The following CADPS variants were observed in gnomAD, a reference collection of about 807,000 sequenced individuals.
CADPS encodes calcium dependent secretion activator.
In CADPS, 57 loss-of-function variants were observed where a neutral mutation model predicts 167.3. The observed-to-expected ratio is 0.34, with a 90% CI of 0.28 to 0.42. The LOEUF (loss-of-function observed/expected upper bound fraction) is 0.42, where lower values mean the gene tolerates loss of function less well. CADPS is among the 20% of genes least tolerant of loss of function. The pLI is 1.00. For synonymous variants in CADPS, 676 were observed against 635.3 expected, an observed-to-expected ratio of 1.06 and a Z score of -0.96; for missense variants, 1,414 against 1,738.1, an observed-to-expected ratio of 0.81 and a Z score of 3.32.
chr3:62,634,107 T>C (rs1371612060), intron 6 of CADPS, among the ~76,000 whole-genome samples: 4 of 152,152 alleles, frequency 2.6e-5, no homozygotes, highest in Non-Finnish European at 4.4e-5. Flanking sequence ...TCCTTCCGGA[T>C]AGGAAAGAAT....
At chr3:62,750,970 T>C (rs2082563958) in intron 3 of CADPS, among the ~76,000 whole-genome samples, 1 of 152,196 alleles carries the variant, frequency 6.6e-6, no homozygotes, top group Non-Finnish European at 1.5e-5. Flanking sequence ...TCTTTGGACT[T>C]AACACTCTTG....
chr3:62,566,935 A>G (rs749477882), intron 9 of CADPS, among the ~76,000 whole-genome samples: 4 of 152,216 alleles, frequency 2.6e-5, no homozygotes, highest in Non-Finnish European at 4.4e-5. Context: ...TAGGAAAGAT[A>G]CTGAGCTTTA....
chr3:62,701,873 G>A (rs11712663), intron 3 of CADPS, among the ~76,000 whole-genome samples: 12,072 of 152,116 alleles, frequency 0.079, 628 homozygotes, highest in Non-Finnish European at 0.12. Context: ...AAAGGAAAAG[G>A]TTAAGCTGAA....
At chr3:62,591,530 G>A (rs1051597847) in intron 7 of CADPS, among the ~76,000 whole-genome samples, 1 of 152,138 alleles carries the variant, frequency 6.6e-6, no homozygotes, top group African/African-American at 2.4e-5. Context: ...AATGATGCTG[G>A]GGTATAGTAG....
At chr3:62,861,378 A>G (rs1232312646) in intron 1 of CADPS, among the ~76,000 whole-genome samples, 1 of 152,210 alleles carries the variant, frequency 6.6e-6, no homozygotes, top group Non-Finnish European at 1.5e-5. Context: ...TAGCCCACAC[A>G]TTGTGACAAG....
intron 26 of CADPS, among the ~76,000 whole-genome samples, chr3:62,459,272 C>G (rs1398909791): frequency 6.6e-6 from 1 of 152,198 alleles, no homozygotes; most frequent in Admixed American, 6.5e-5. Flanking sequence ...ACAAACCCAG[C>G]TGGCTTATAA....
intron 17 of CADPS, among the ~76,000 whole-genome samples, chr3:62,508,028 G>A (rs1484229743): frequency 6.6e-6 from 1 of 152,174 alleles, no homozygotes; most frequent in Non-Finnish European, 1.5e-5. Context: ...GCAAGATAAG[G>A]ATTTGAATTT....
chr3:62,636,211 C>T (rs188319067), intron 6 of CADPS, among the ~76,000 whole-genome samples: 254 of 152,326 alleles, frequency 1.7e-3, no homozygotes, highest in Middle Eastern at 0.01. Flanking sequence ...AGTGAAGAAA[C>T]TGAGGTTCAG....
At chr3:62,546,800 T>C (rs1052874645) in intron 11 of CADPS, among the ~76,000 whole-genome samples, 1 of 152,126 alleles carries the variant, frequency 6.6e-6, no homozygotes, top group Non-Finnish European at 1.5e-5. Flanking sequence ...TGTTTATAAT[T>C]TATATGAAAA....
intron 1 of CADPS, among the ~76,000 whole-genome samples, chr3:62,784,531 G>T (rs1559606103): frequency 6.6e-6 from 1 of 152,122 alleles, no homozygotes; most frequent in East Asian, 1.9e-4. Flanking sequence ...CAAAGAGAGA[G>T]AACTATTTAT....
intron 3 of CADPS, among the ~76,000 whole-genome samples, chr3:62,698,726 A>C (rs932629349): frequency 0.094 from 5,549 of 58,846 alleles, no homozygotes; most frequent in Admixed American, 0.12. Context: ...TTTCCTCCCC[A>C]CTTCCTTTTT....
chr3:62,813,045 A>C (rs899893639), intron 1 of CADPS, among the ~76,000 whole-genome samples: 3 of 152,110 alleles, frequency 2.0e-5, no homozygotes, highest in Non-Finnish European at 4.4e-5. Context: ...TGCCCACAAC[A>C]ATCTACAGAC....
At chr3:62,790,570 T>C (rs1161920065) in intron 1 of CADPS, among the ~76,000 whole-genome samples, 2 of 152,226 alleles carry the variant, frequency 1.3e-5, no homozygotes, top group Non-Finnish European at 1.5e-5. Flanking sequence ...AGATTCATAC[T>C]AGTTCAGCAA....
intron 13 of CADPS, 121 bp downstream of exon 13, chr3:62,532,750 T>A: frequency 3.0e-6 from 2 of 662,262 alleles, no homozygotes; most frequent in Non-Finnish European, 5.2e-6. Context: ...TGTGTGTGTG[T>A]ACGTGTGCAC....
Position 62,753,755 on chromosome 3 carries a change from G to A in CADPS, c.574C>T (p.Arg192Cys), listed in dbSNP as rs762817680. Reference protein sequence around the residue: ...SYYEVFLKSDRVARMVQSGGC... With the variant: ...SYYEVFLKSDCVARMVQSGGC... Reference sequence around the variant, plus strand: ...CCACTCTGAACCATGCGGGCCACACGGTCGCTCTTCAGGAACACCTGAGCA... The same window carrying A: ...CCACTCTGAACCATGCGGGCCACACAGTCGCTCTTCAGGAACACCTGAGCA... The change falls in exon 3 of 30, where the codon CGT becomes TGT. Residue 192 changes from arginine (R) to cysteine (C), a missense_variant. By Grantham distance (180) the Arg-to-Cys change is radical (BLOSUM62 -3). Coordinates refer to ENST00000383710, the MANE Select transcript of CADPS (RefSeq NM_003716.4). This position sits in a 1 kb window ranked among gnomAD's most constrained non-coding sequence, Gnocchi z 4.6. The A allele has an allele frequency of 8.1e-6, 13 of 1,612,744 alleles. No individual in the cohort carries two copies. In the South Asian group the frequency reaches 8.8e-5, roughly 11 times the overall value.
intron 6 of CADPS, among the ~76,000 whole-genome samples, chr3:62,620,909 T>C (rs2063074410): frequency 6.6e-6 from 1 of 152,174 alleles, no homozygotes. Flanking sequence ...TCTGTCAGGA[T>C]GCAGGATGAT....
rs372976045 is a variant in CADPS at position 62,783,237 on chromosome 3, C to T, written c.442-17253G>A. On this transcript the variant is annotated intron_variant, in intron 1 of 29. Coordinates refer to ENST00000383710, the MANE Select transcript of CADPS (RefSeq NM_003716.4). ...TGTGTTCTCTCTGTTTCCTAGTAAA[C>T]GGCAAACTCTAGTTTCAAGCACAGG... 1.8e-4 allele frequency among the ~76,000 whole-genome samples: 28 copies of T among 151,926 alleles called. No individual in the cohort carries two copies. In the East Asian group the frequency reaches 2.9e-3, roughly 16 times the overall value.
chr3:62,680,873 C>T (rs747290484), intron 3 of CADPS, among the ~76,000 whole-genome samples: 22 of 152,044 alleles, frequency 1.4e-4, no homozygotes, highest in Non-Finnish European at 4.4e-5. Flanking sequence ...CATTCCTACA[C>T]TACAGCCCTG....
chr3:62,599,811 A>ATTGTATATATAAT (rs1562715113), intron 6 of CADPS, among the ~76,000 whole-genome samples: 2 of 14,002 alleles, frequency 1.4e-4, no homozygotes, highest in Non-Finnish European at 2.5e-4. Context: ...TATAATAAAT[A>ATTGTATATATAAT]ATATATTATA....
Sources: allele counts gnomAD v4.1 joint callset (sites outside exome capture counted in the v4.1 genomes callset), GRCh38; gene constraint gnomAD v4.1.1; non-coding constraint Gnocchi (gnomAD v3.1); transcripts MANE v1.5; gene names NCBI Gene and HGNC (gene_info 2026-07-23, HGNC 2026-07-21).